LRTM3: variants seen among roughly 807,000 people sequenced by gnomAD.
The protein encoded by LRTM3 is leucine rich repeat transmembrane protein 3.
the LRTM3 span, chr13:102,730,862 T>C: frequency 5.8e-6 from 9 of 1,551,478 alleles, no homozygotes; most frequent in Non-Finnish European, 7.0e-6. Context: ...ATCTATTTGA[T>C]GGAGAGATTT....
the LRTM3 span, chr13:102,749,506 A>G: frequency 4.5e-6 from 7 of 1,551,268 alleles, no homozygotes; most frequent in Admixed American, 9.8e-5. Context: ...ACCAAACACA[A>G]TGTTGGTCCT....
the LRTM3 span, chr13:102,735,206 G>C: frequency 6.4e-7 from 1 of 1,551,150 alleles, no homozygotes; most frequent in Non-Finnish European, 8.7e-7. Flanking sequence ...CGATTTCTTT[G>C]CCTTCAAATA....
chr13:102,743,926 AT>A, the LRTM3 span: 1 of 1,550,458 alleles, frequency 6.4e-7, no homozygotes, highest in African/African-American at 1.4e-5. Flanking sequence ...TTGCAGCTAC[AT>A]TTTCTTGTAC....
the LRTM3 span, chr13:102,729,677 GA>G: frequency 3.2e-6 from 5 of 1,551,734 alleles, no homozygotes; most frequent in Non-Finnish European, 4.4e-6. Context: ...TTTTCTTTCA[GA>G]ATAGAAGTTG....
chr13:102,740,735 T>C, the LRTM3 span: 1 of 1,548,638 alleles, frequency 6.5e-7, no homozygotes, highest in East Asian at 2.4e-5. Flanking sequence ...AAGAGCCTTG[T>C]ATGTATATTT....
chr13:102,754,895 G>A, the LRTM3 span, among the ~76,000 whole-genome samples: 1 of 152,122 alleles, frequency 6.6e-6, no homozygotes. Context: ...CTTTTAAACT[G>A]TTTTATCTAT....
At chr13:102,740,531 C>G in the LRTM3 span, 19 of 1,549,508 alleles carry the variant, frequency 1.2e-5, no homozygotes, top group Non-Finnish European at 1.7e-5. Flanking sequence ...CCATTTTTGG[C>G]CTGTTTTGAG....
the LRTM3 span, chr13:102,749,218 A>G: frequency 7.1e-6 from 11 of 1,550,362 alleles, no homozygotes; most frequent in Non-Finnish European, 1.7e-6. Flanking sequence ...TGGCTTTTAG[A>G]GATGGAACAT....
At chr13:102,747,510 G>A in the LRTM3 span, 2 of 1,550,662 alleles carry the variant, frequency 1.3e-6, no homozygotes, top group Admixed American at 3.9e-5. Flanking sequence ...GGTAAAGTAA[G>A]CAAGTGGTTA....
At chr13:102,758,001 G>A in the LRTM3 span, among the ~76,000 whole-genome samples, 1 of 152,162 alleles carries the variant, frequency 6.6e-6, no homozygotes, top group Non-Finnish European at 1.5e-5. Flanking sequence ...TTACAATTCT[G>A]ATAAATTCTG....
At chr13:102,740,663 T>C in the LRTM3 span, 4 of 1,548,146 alleles carry the variant, frequency 2.6e-6, no homozygotes, top group Non-Finnish European at 3.5e-6. Context: ...ATCTAATTTC[T>C]CTTGTTGCAT....
At chr13:102,742,160 T>G in the LRTM3 span, 1 of 1,550,568 alleles carries the variant, frequency 6.4e-7, no homozygotes, top group South Asian at 1.2e-5. Context: ...TAGAACTCGA[T>G]GTACTGCATT....
At chr13:102,743,383 A>G in the LRTM3 span, 1 of 1,550,568 alleles carries the variant, frequency 6.4e-7, no homozygotes, top group African/African-American at 1.4e-5. Flanking sequence ...GAAATGTATC[A>G]GCCACATTTT....
the LRTM3 span, among the ~76,000 whole-genome samples, chr13:102,753,340 G>A: frequency 6.6e-6 from 1 of 152,040 alleles, no homozygotes; most frequent in Non-Finnish European, 1.5e-5. Context: ...GGGGCACAGG[G>A]ACGGAGAGCA....
the LRTM3 span, chr13:102,744,423 G>A: frequency 7.7e-6 from 12 of 1,549,796 alleles, no homozygotes; most frequent in East Asian, 2.7e-4. Context: ...GTATCACGTG[G>A]TATTGAACCA....
the LRTM3 span, among the ~76,000 whole-genome samples, chr13:102,751,245 G>C: frequency 6.6e-6 from 1 of 151,860 alleles, no homozygotes; most frequent in African/African-American, 2.4e-5. Context: ...TCTGTCAGCA[G>C]ACAGCCTTTT....
the LRTM3 span, chr13:102,747,840 T>C: frequency 6.4e-7 from 1 of 1,551,314 alleles, no homozygotes; most frequent in South Asian, 1.2e-5. Context: ...TGCTCTTTAT[T>C]TGGGGCTTTA....
the LRTM3 span, chr13:102,733,884 C>T: frequency 3.5e-5 from 54 of 1,551,310 alleles, 1 homozygote; most frequent in South Asian, 4.4e-4. Context: ...TTTTTATCAA[C>T]GCCTTCAACT....
the LRTM3 span, chr13:102,746,771 T>TC: frequency 6.4e-7 from 1 of 1,551,272 alleles, no homozygotes; most frequent in Non-Finnish European, 8.7e-7. Context: ...TTCTCTTGTA[T>TC]CACTTCCATT....
Sources: gnomAD v4.1 joint callset for allele counts (sites outside exome capture counted in the v4.1 genomes callset) on GRCh38, gnomAD v4.1.1 for gene constraint, MANE v1.5 for transcripts, NCBI Gene and HGNC (gene_info 2026-07-23, HGNC 2026-07-21) for gene names.